HNRNPH3: variants seen among roughly 807,000 people sequenced by gnomAD.
HNRNPH3 encodes heterogeneous nuclear ribonucleoprotein H3.
Under a neutral mutation model 47.0 loss-of-function variants are expected in HNRNPH3, and 7 were observed. The observed-to-expected ratio is 0.15, with a 90% CI of 0.08 to 0.28. HNRNPH3 has a LOEUF of 0.28. Ranked by LOEUF, HNRNPH3 falls within the 10% of genes least tolerant of loss-of-function variation. The pLI is 1.00. For missense variants in HNRNPH3, 279 were observed against 449.6 expected (o/e 0.62, Z 3.43); for synonymous variants, 120 against 143.2 (o/e 0.84, Z 1.16).
intron 6 of HNRNPH3, among the ~76,000 whole-genome samples, chr10:68,340,295 T>C (rs2045818716): frequency 6.6e-6 from 1 of 152,230 alleles, no homozygotes. Context: ...CCCAAAGTGC[T>C]GGGATTACAG....
At position 68,337,283 on chromosome 10, in the gene HNRNPH3, G is replaced by A. The variant is rs761271098; in HGVS notation, c.62G>A (p.Arg21His). 1 of 1,613,530 alleles carries A rather than the reference G, an allele frequency of 6.2e-7. No individual in the cohort carries two copies. The highest frequency in any genetic ancestry group is 8.5e-7 in the Non-Finnish European group (1 of 1,179,488). The change falls in exon 2 of 10, where the codon CGT becomes CAT. Residue 21 changes from arginine (R) to histidine (H), a missense_variant. Arg to His is a conservative substitution (Grantham distance 29). Around this residue, in one of 2 missense-constraint regions of HNRNPH3, gnomAD observed 40 missense variants for 113.8 expected, o/e 0.35. Coordinates refer to ENST00000265866, the MANE Select transcript of HNRNPH3 (RefSeq NM_012207.3). The surrounding 1 kb of genome is among the most constrained non-coding windows in gnomAD (Gnocchi z 4.5). ...NDASDGTVRL[R>H]GLPFGCSKEE... is the part of the protein sequence containing the mutation. ...GCTAGTGATGGGACAGTACGACTTC[G>A]TGGACTACCATTTGGTTGCAGCAAA...
intron 8 of HNRNPH3, 28 bp from the exon 9 acceptor site, chr10:68,341,731 C>CA: frequency 6.3e-7 from 1 of 1,584,414 alleles, no homozygotes; most frequent in South Asian, 1.1e-5. Context: ...CGATGAGTCT[C>CA]AATTTTTTTT....
At chr10:68,340,219 G>T (rs2045810832) in intron 6 of HNRNPH3, among the ~76,000 whole-genome samples, 1 of 152,160 alleles carries the variant, frequency 6.6e-6, no homozygotes, top group East Asian at 1.9e-4. Flanking sequence ...TGTATTTTTA[G>T]TAGAGATGGG....
Position 68,342,018 on chromosome 10 carries a change from C to A in HNRNPH3, c.1005C>A (p.Gly335=). Residue 335 remains glycine, a synonymous_variant, in exon 10 of 10, where the codon GGC becomes GGA. Coordinates refer to ENST00000265866, the MANE Select transcript of HNRNPH3 (RefSeq NM_012207.3). ...GGGSGGYYGQ[G]GMSGGGWRGM... ...GCAGTGGAGGTTACTATGGGCAAGG[C>A]GGCATGAGTGGAGGTGGATGGCGTG... 6.2e-7 allele frequency: 1 copy of A among 1,613,884 alleles called. No homozygotes were observed. Among genetic ancestry groups the A allele is most frequent in the Non-Finnish European group, 8.5e-7 (1 of 1,179,972 alleles).
intron 6 of HNRNPH3, among the ~76,000 whole-genome samples, chr10:68,340,041 G>C (rs1418661195): frequency 1.3e-5 from 2 of 150,210 alleles, no homozygotes; most frequent in South Asian, 4.3e-4. Context: ...TTTTTGTTTT[G>C]TTTTCTTTTT....
rs2046048083 is a variant in HNRNPH3 at position 68,342,904 on chromosome 10, G to A, written c.*850G>A. 3 of 152,204 alleles carry A rather than the reference G, an allele frequency of 2.0e-5. No homozygotes were observed. The highest frequency in any genetic ancestry group is 7.2e-5 in the African/African-American group (3 of 41,430). The allele number at this position is 152,204 out of a possible 1,614,324, so 9.4% of individuals were successfully genotyped here. A position where few individuals can be genotyped will look rare whatever the true frequency, so the allele number is the denominator to read the frequency against. ...TCTGCCCAATAGAGTTTAAATAACTGTATAAATGATGACTTTAAAAAAATG... is the reference window on the plus strand; with the variant it reads ...TCTGCCCAATAGAGTTTAAATAACTATATAAATGATGACTTTAAAAAAATG... On this transcript the variant is annotated 3_prime_UTR_variant, in exon 10 of 10. Coordinates refer to ENST00000265866, the MANE Select transcript of HNRNPH3 (RefSeq NM_012207.3).
chr10:68,341,389 C>T (rs1032250065), intron 7 of HNRNPH3, 80 bp downstream of exon 7: 16 of 1,433,018 alleles, frequency 1.1e-5, no homozygotes, highest in Middle Eastern at 1.8e-4. Context: ...CTGTAGGTAA[C>T]GCTTGGCAGT....
At chr10:68,335,276 C>G (rs1271514129) in intron 1 of HNRNPH3, among the ~76,000 whole-genome samples, 1 of 146,292 alleles carries the variant, frequency 6.8e-6, no homozygotes, top group African/African-American at 2.5e-5. Flanking sequence ...AAATGCAAAT[C>G]GTACCACTAA....
intron 6 of HNRNPH3, chr10:68,340,971 T>C: frequency 2.2e-6 from 1 of 447,122 alleles, no homozygotes; most frequent in Non-Finnish European, 3.9e-6. Context: ...CCTGCCTATC[T>C]GCTTATTTTA....
At position 68,342,177 on chromosome 10, in the gene HNRNPH3, A is replaced by G; in HGVS notation, c.*123A>G. ...GACTGAAGGAATGTGTTTTCAAAAT[A>G]TTATTTGGTAAAGCAACAGATTGTG... On this transcript the variant is annotated 3_prime_UTR_variant, in exon 10 of 10. Transcript: ENST00000265866. The G allele has an allele frequency of 1.5e-6, 1 of 646,708 alleles. No individual in the cohort carries two copies. The highest frequency in any genetic ancestry group is 2.5e-6 in the Non-Finnish European group (1 of 396,400). 40.1% of individuals were successfully genotyped at this position (646,708 alleles called of 1,614,324 possible).
chr10:68,332,463 C>G (rs753898034), intron 1 of HNRNPH3, among the ~76,000 whole-genome samples: 2 of 152,244 alleles, frequency 1.3e-5, no homozygotes, highest in Non-Finnish European at 2.9e-5. Context: ...TAGGGGACAT[C>G]CAGCATTTTC....
rs781220190 is a variant in HNRNPH3, at chr10:68,337,364, T to G, written c.112+31T>G. 30 of 1,220,366 alleles carry G rather than the reference T, an allele frequency of 2.5e-5. No homozygotes were observed. The highest frequency in any genetic ancestry group is 3.5e-5 in the Non-Finnish European group (29 of 830,334). The allele number at this position is 1,220,366 out of a possible 1,614,324, so 75.6% of individuals were successfully genotyped here. A position where few individuals can be genotyped will look rare whatever the true frequency, so the allele number is the denominator to read the frequency against. On this transcript the variant is annotated intron_variant, in intron 2 of 9. Transcript: ENST00000265866. This position sits in a 1 kb window ranked among gnomAD's most constrained non-coding sequence, Gnocchi z 4.5. ...TCTAGTATTAGTCAAAGTTTAGTAGTATTGTAATTTTATATTTGTATTGTT... is the reference window on the plus strand; with the variant it reads ...TCTAGTATTAGTCAAAGTTTAGTAGGATTGTAATTTTATATTTGTATTGTT...
At position 68,338,498 on chromosome 10, in the gene HNRNPH3, A is replaced by C; in HGVS notation, c.252-5A>C. 6.3e-7 allele frequency: 1 copy of C among 1,576,198 alleles called. No individual in the cohort carries two copies. Among genetic ancestry groups the C allele is most frequent in the Non-Finnish European group, 8.7e-7 (1 of 1,153,262 alleles). On this transcript the variant is annotated splice_region_variant and splice_polypyrimidine_tract_variant and intron_variant, in intron 3 of 9. Coordinates refer to ENST00000265866, the MANE Select transcript of HNRNPH3 (RefSeq NM_012207.3). ...AAACCTGTACCTTAAAACATTTTTAAATAGGTATATTGAGATCTTCAGAAG... is the reference window on the plus strand; with the variant it reads ...AAACCTGTACCTTAAAACATTTTTACATAGGTATATTGAGATCTTCAGAAG...
At chr10:68,340,998 T>C (rs959178751) in intron 6 of HNRNPH3, 176 bp from the exon 7 acceptor site, 8 of 498,336 alleles carry the variant, frequency 1.6e-5, no homozygotes, top group African/African-American at 1.4e-4. Flanking sequence ...GTAAATTCTT[T>C]ACATTATCCC....
rs2134778344 is a variant in HNRNPH3 at position 68,341,385 on chromosome 10, G to A, written c.775+76G>A. 3 of 1,453,464 alleles carry A rather than the reference G, an allele frequency of 2.1e-6. No individual in the cohort carries two copies. The South Asian group carries it at 3.7e-5, about 18-fold the overall frequency. 90.0% of individuals were successfully genotyped at this position (1,453,464 alleles called of 1,614,324 possible). A position where few individuals can be genotyped will look rare whatever the true frequency, so the allele number is the denominator to read the frequency against. The stretch of plus-strand genomic sequence containing the variant: ...AAATAAGAGGCTCTAAGATCTGTAG[G>A]TAACGCTTGGCAGTTGTTGGGATTT... On this transcript the variant is annotated intron_variant, in intron 7 of 9. Transcript: ENST00000265866.
chr10:68,331,928 C>G (rs1487842246), upstream of HNRNPH3: 1 of 152,334 alleles, frequency 6.6e-6, no homozygotes, highest in Admixed American at 6.5e-5. Flanking sequence ...CGCAACCCAC[C>G]ACCGCGCAGG....
intron 1 of HNRNPH3, among the ~76,000 whole-genome samples, chr10:68,335,033 T>C (rs948252809): frequency 5.3e-5 from 8 of 152,138 alleles, no homozygotes; most frequent in African/African-American, 1.9e-4. Flanking sequence ...GATTAAGTGT[T>C]CCGAGTTCGG....
rs1426618565 is a variant in HNRNPH3, at chr10:68,339,232, ATAAATAT to A, written c.523+11_523+17del. ...CAGAATGAGAGATGGAAGAGGTAAA[ATAAATAT>A]TAAAGACATTTTTATTCATAGGTAA... On this transcript the variant is annotated splice_region_variant and intron_variant, in intron 5 of 9. Transcript: ENST00000265866. 6.3e-7 allele frequency: 1 copy of A among 1,585,066 alleles called. No homozygotes were observed. Among genetic ancestry groups the A allele is most frequent in the African/African-American group, 1.3e-5 (1 of 74,346 alleles).
chr10:68,339,581 T>A lies in HNRNPH3; in HGVS notation c.639+26T>A, dbSNP rs1218014593. The A allele has an allele frequency of 2.2e-6, 3 of 1,394,924 alleles. No individual in the cohort carries two copies. In the Admixed American group the frequency reaches 5.2e-5, roughly 24 times the overall value. The allele number at this position is 1,394,924 out of a possible 1,614,324, so 86.4% of individuals were successfully genotyped here. A position where few individuals can be genotyped will look rare whatever the true frequency, so the allele number is the denominator to read the frequency against. ...GTGAGTAATTTTTAATAACTATTAG[T>A]GGTTTTATACTTATCCTGGTGTCTA... On this transcript the variant is annotated intron_variant, in intron 6 of 9. Transcript: ENST00000265866.
Sources: allele counts gnomAD v4.1 joint callset (sites outside exome capture counted in the v4.1 genomes callset), GRCh38; gene constraint gnomAD v4.1.1; regional missense constraint gnomAD v4.1.1; non-coding constraint Gnocchi (gnomAD v3.1); transcripts MANE v1.5; gene names NCBI Gene and HGNC (gene_info 2026-07-23, HGNC 2026-07-21).